MYO1D: variants seen among roughly 807,000 people sequenced by gnomAD.
MYO1D encodes unconventional myosin-Id.
In MYO1D, 83 loss-of-function variants were observed where a neutral mutation model predicts 122.0. That is an observed-to-expected ratio of 0.68 (90% CI 0.57 to 0.82). The LOEUF (loss-of-function observed/expected upper bound fraction) is 0.82. Ranked by LOEUF, MYO1D falls within the 40% of genes least tolerant of loss-of-function variation. The pLI is 0.00. For missense variants in MYO1D, 1,157 were observed against 1,269.5 expected (o/e 0.91, Z 1.35); for synonymous variants, 464 against 446.9 (o/e 1.04, Z -0.48).
intron 19 of MYO1D, among the ~76,000 whole-genome samples, chr17:32,652,351 T>C (rs1368414071): frequency 2.0e-5 from 3 of 152,200 alleles, no homozygotes; most frequent in African/African-American, 2.4e-5. Flanking sequence ...TGAATACTAC[T>C]GTAATTATTA....
At chr17:32,725,300 C>T (rs2089558819) in intron 14 of MYO1D, among the ~76,000 whole-genome samples, 1 of 152,040 alleles carries the variant, frequency 6.6e-6, no homozygotes, top group African/African-American at 2.4e-5. Context: ...GGGTGGATCA[C>T]TTGAGGTCAG....
chr17:32,674,857 C>T (rs774771440), intron 16 of MYO1D, among the ~76,000 whole-genome samples: 6 of 152,088 alleles, frequency 3.9e-5, no homozygotes, highest in Admixed American at 6.5e-5. Context: ...AGATACTGGG[C>T]GAAGATGCTT....
At chr17:32,560,050 T>A (rs1034672041) in intron 21 of MYO1D, among the ~76,000 whole-genome samples, 5 of 151,296 alleles carry the variant, frequency 3.3e-5, no homozygotes, top group Non-Finnish European at 4.4e-5. Context: ...AGGTCAGGAG[T>A]TCAAGACCAG....
intron 1 of MYO1D, among the ~76,000 whole-genome samples, chr17:32,848,527 C>G (rs1378718642): frequency 6.6e-6 from 1 of 152,134 alleles, no homozygotes; most frequent in Non-Finnish European, 1.5e-5. Flanking sequence ...ACAAGTAGTT[C>G]TGTGGTAGTC....
chr17:32,719,248 C>T (rs2089481028), intron 15 of MYO1D, among the ~76,000 whole-genome samples: 1 of 152,186 alleles, frequency 6.6e-6, no homozygotes, highest in South Asian at 2.1e-4. Flanking sequence ...TATCCCAAAT[C>T]TGTCCACTGC....
intron 21 of MYO1D, among the ~76,000 whole-genome samples, chr17:32,536,813 C>G (rs887758095): frequency 6.6e-6 from 1 of 152,124 alleles, no homozygotes; most frequent in African/African-American, 2.4e-5. Flanking sequence ...TTACTGATTC[C>G]TTTTAAGCTT....
intron 19 of MYO1D, among the ~76,000 whole-genome samples, chr17:32,645,731 C>T (rs1368367930): frequency 6.6e-6 from 1 of 152,120 alleles, no homozygotes; most frequent in Non-Finnish European, 1.5e-5. Flanking sequence ...ATGTAGTTCT[C>T]GTGCCATGGT....
At chr17:32,636,747 G>A (rs773569652) in intron 20 of MYO1D, among the ~76,000 whole-genome samples, 8 of 152,246 alleles carry the variant, frequency 5.3e-5, no homozygotes, top group Non-Finnish European at 8.8e-5. Context: ...GAGTGATGGA[G>A]ATGGAGTATT....
At chr17:32,855,264 C>A (rs575907663) in intron 1 of MYO1D, among the ~76,000 whole-genome samples, 2 of 152,318 alleles carry the variant, frequency 1.3e-5, no homozygotes, top group East Asian at 3.9e-4. Context: ...CACGTAACCA[C>A]TGCCTGTGCC....
intron 3 of MYO1D, 96 bp downstream of exon 3, chr17:32,778,384 C>T: frequency 1.7e-6 from 2 of 1,159,396 alleles, no homozygotes; most frequent in Non-Finnish European, 2.6e-6. Flanking sequence ...TAGGTTTAGA[C>T]CCCCAAAATG....
rs528575579 is a variant in MYO1D at position 32,849,739 on chromosome 17, G to A, written c.95+27039C>T. ...GATGACGAGTTAGTGGGTGCAGCACGCCAGCATGGCACATGTATACATATG... is the reference window on the plus strand; with the variant it reads ...GATGACGAGTTAGTGGGTGCAGCACACCAGCATGGCACATGTATACATATG... On this transcript the variant is annotated intron_variant, in intron 1 of 21. Transcript: ENST00000318217. 3.7e-3 allele frequency among the ~76,000 whole-genome samples: 569 copies of A among 151,942 alleles called. 1 individual carries two copies. Among genetic ancestry groups the A allele is most frequent in the Middle Eastern group, 0.017 (5 of 294 alleles).
chr17:32,872,797 C>G (rs1266013485), intron 1 of MYO1D, among the ~76,000 whole-genome samples: 1 of 151,210 alleles, frequency 6.6e-6, no homozygotes, highest in Non-Finnish European at 1.5e-5. Flanking sequence ...CCCGGGTTCA[C>G]GCCATTCTCC....
chr17:32,780,839 T>C, intron 1 of MYO1D, 55 bp from the exon 2 acceptor site: 2 of 1,531,166 alleles, frequency 1.3e-6, no homozygotes, highest in East Asian at 2.3e-5. Context: ...AGAAATGATG[T>C]ATCTGTCCTG....
rs373711984 is a variant in MYO1D, at chr17:32,705,342, C to T, written c.2121+6646G>A. ...TGGCACGATCTCAGCTCACTGCAAG[C>T]TCCACCTCCCAGGTTCACGCCATTC... On this transcript the variant is annotated intron_variant, in intron 16 of 21. Transcript: ENST00000318217. Among the ~76,000 whole-genome samples the T allele has an allele frequency of 5.2e-4, 79 of 152,266 alleles. No homozygotes were observed. In the South Asian group the frequency reaches 0.015, roughly 30 times the overall value.
intron 14 of MYO1D, among the ~76,000 whole-genome samples, chr17:32,730,126 T>A (rs1042516712): frequency 4.6e-5 from 7 of 151,582 alleles, no homozygotes; most frequent in Admixed American, 2.0e-4. Context: ...TTATTGTTTT[T>A]TTTTTTCTTT....
At chr17:32,705,360 C>T (rs770949446) in intron 16 of MYO1D, among the ~76,000 whole-genome samples, 3 of 152,112 alleles carry the variant, frequency 2.0e-5, no homozygotes, top group South Asian at 2.1e-4. Flanking sequence ...CCCAGGTTCA[C>T]GCCATTCTCC....
intron 19 of MYO1D, among the ~76,000 whole-genome samples, chr17:32,645,606 T>C (rs9902040): frequency 0.016 from 2,448 of 152,282 alleles, 57 homozygotes; most frequent in African/African-American, 0.049. Context: ...GCGTTTCTTT[T>C]TATTTTTTTT....
At chr17:32,854,228 G>A (rs984612450) in intron 1 of MYO1D, among the ~76,000 whole-genome samples, 3 of 152,168 alleles carry the variant, frequency 2.0e-5, no homozygotes, top group Admixed American at 6.5e-5. Flanking sequence ...GGGAATTTTA[G>A]CTTATTAATC....
chr17:32,618,472 T>C (rs1018087945), intron 20 of MYO1D, among the ~76,000 whole-genome samples: 11 of 152,046 alleles, frequency 7.2e-5, no homozygotes, highest in African/African-American at 2.4e-4. Flanking sequence ...ATATTCCACA[T>C]CCTGACAGGG....
Sources: allele counts gnomAD v4.1 joint callset (sites outside exome capture counted in the v4.1 genomes callset), GRCh38; gene constraint gnomAD v4.1.1; transcripts MANE v1.5; gene names NCBI Gene and HGNC (gene_info 2026-07-23, HGNC 2026-07-21).